Variants in CEP72 observed in about 807,000 individuals in gnomAD.
The protein encoded by CEP72 is centrosomal protein 72.
A neutral mutation model predicts 65.7 loss-of-function variants in CEP72; 78 were observed. That is an observed-to-expected ratio of 1.19 (90% CI 0.99 to 1.43). The LOEUF is 1.43. CEP72 is among the 40% of genes most tolerant of loss of function. CEP72 has a pLI of 0.00. For missense variants in CEP72, 914 were observed against 832.9 expected, an observed-to-expected ratio of 1.10 and a Z score of -1.20; for synonymous variants, 358 against 351.7, an observed-to-expected ratio of 1.02 and a Z score of -0.20.
chr5:671,702 TCC>T (rs1370857036), downstream of CEP72, among the ~76,000 whole-genome samples: 2 of 151,844 alleles, frequency 1.3e-5, no homozygotes, highest in African/African-American at 4.8e-5. Context: ...TGGCCAAGGG[TCC>T]CCCCGCAGGG....
chr5:615,168 T>G (rs1735915828), intron 1 of CEP72, among the ~76,000 whole-genome samples: 1 of 143,188 alleles, frequency 7.0e-6, no homozygotes, highest in Non-Finnish European at 1.5e-5. Context: ...AGAGTTTCCT[T>G]CTTGTCCCCC....
chr5:665,324 A>T (rs773010030), exon 3 of CEP72: 2 of 1,596,634 alleles, frequency 1.3e-6, no homozygotes, highest in Non-Finnish European at 1.7e-6. Flanking sequence ...GGAAGGGGGC[A>T]GGTGAGTTGC....
chr5:665,221 C>G lies in CEP72; in HGVS notation n.329C>G, dbSNP rs766686208. The G allele has an allele frequency of 4.3e-6, 7 of 1,613,714 alleles. No homozygotes were observed. The East Asian group carries it at 1.6e-4, about 36-fold the overall frequency. ...TTGCCCTTGCCCTTGCCAGAGGGGT[C>G]GAAGCGCTCCTTGTGGGAGCCCGTG... is the stretch of plus-strand genomic sequence containing the variant. On this transcript the variant is annotated non_coding_transcript_exon_variant, in exon 3 of 5. Transcript: ENST00000514507.
chr5:640,018 C>T (rs1177765121), intron 8 of CEP72, among the ~76,000 whole-genome samples: 2 of 152,234 alleles, frequency 1.3e-5, no homozygotes, highest in Non-Finnish European at 2.9e-5. Flanking sequence ...TTGCCATCGT[C>T]GGTGGCGGGG....
intron 1 of CEP72, among the ~76,000 whole-genome samples, chr5:614,637 A>G (rs1443177341): frequency 6.6e-6 from 1 of 152,032 alleles, no homozygotes; most frequent in African/African-American, 2.4e-5. Flanking sequence ...CTGGGATTAC[A>G]GGCATGATCC....
chr5:643,010 G>T, intron 9 of CEP72: 8 of 985,496 alleles, frequency 8.1e-6, no homozygotes, highest in Non-Finnish European at 9.6e-6. Context: ...CCCAGCTTGG[G>T]TGCAGTCGGT....
At chr5:668,276 T>G (rs57793106), downstream of CEP72, among the ~76,000 whole-genome samples, 4,762 of 22,222 alleles carry the variant, frequency 0.21, 949 homozygotes, top group African/African-American at 0.52. Context: ...CGGAGAGGGG[T>G]CCGCGTGGGC....
chr5:675,377 G>A, the CEP72 span, among the ~76,000 whole-genome samples: 9 of 107,474 alleles, frequency 8.4e-5, no homozygotes, highest in African/African-American at 3.0e-4. Flanking sequence ...GTGGCCGGGG[G>A]TGCAGCGCAG....
the CEP72 span, among the ~76,000 whole-genome samples, chr5:673,054 C>CAA: frequency 2.0e-5 from 3 of 152,190 alleles, no homozygotes; most frequent in Non-Finnish European, 2.9e-5. Flanking sequence ...CAGCAGCTTT[C>CAA]TGCAGTACCG....
chr5:638,652 G>T (rs1291217096), intron 7 of CEP72, among the ~76,000 whole-genome samples: 1 of 152,148 alleles, frequency 6.6e-6, no homozygotes, highest in Non-Finnish European at 1.5e-5. Context: ...GAGGTGGGCG[G>T]TCTGTTTCAG....
chr5:619,205 C>A, intron 2 of CEP72, 88 bp downstream of exon 2: 2 of 1,297,542 alleles, frequency 1.5e-6, no homozygotes, highest in Non-Finnish European at 1.1e-6. Context: ...TGTTTTGTAA[C>A]CCTCTGCTTA....
At chr5:669,090 T>G (rs557530443), downstream of CEP72, among the ~76,000 whole-genome samples, 1 of 152,250 alleles carries the variant, frequency 6.6e-6, no homozygotes, top group African/African-American at 2.4e-5. Context: ...GTCCCACAGC[T>G]CAGACCCTCA....
the CEP72 span, among the ~76,000 whole-genome samples, chr5:673,481 T>C: frequency 6.6e-6 from 1 of 151,838 alleles, no homozygotes; most frequent in Non-Finnish European, 1.5e-5. Context: ...GAGGTCAGAA[T>C]CCCTTGGCCT....
chr5:634,123 T>TA (rs11443608), intron 5 of CEP72, among the ~76,000 whole-genome samples, 176 bp downstream of exon 5: 38,314 of 152,118 alleles, frequency 0.25, 4,925 homozygotes, highest in East Asian at 0.43. Context: ...TACAGAGTTA[T>TA]AAATGAGAAA....
In CEP72 at chr5:637,439, C is replaced by A; in HGVS notation, c.905-78C>A. 3.8e-6 allele frequency: 5 copies of A among 1,313,098 alleles called. No individual in the cohort carries two copies. The South Asian group carries it at 5.4e-5, about 14-fold the overall frequency. 81.3% of individuals were successfully genotyped at this position (1,313,098 alleles called of 1,614,324 possible). A position where few individuals can be genotyped will look rare whatever the true frequency, so the allele number is the denominator to read the frequency against. ...GTGTATATACATGGGCACACACATG[C>A]CTTTTAAAAGTTACAGTGCTGAACA... is the stretch of plus-strand genomic sequence containing the variant. On this transcript the variant is annotated intron_variant, in intron 6 of 11. Transcript: ENST00000264935.
At chr5:621,609 G>A (rs1480147388) in intron 3 of CEP72, among the ~76,000 whole-genome samples, 1 of 152,226 alleles carries the variant, frequency 6.6e-6, no homozygotes, top group East Asian at 1.9e-4. Context: ...CCAGAGGTGG[G>A]AAAACAGGTG....
At position 637,956 on chromosome 5, in the gene CEP72, C is replaced by T. The variant is rs767135949; in HGVS notation, c.1206+138C>T. Reference sequence around the variant, plus strand: ...TGATGCAGGGCTGTTACGGCGGTGCCGTGATTACGCCTACGGCACTGACCG... The same window carrying T: ...TGATGCAGGGCTGTTACGGCGGTGCTGTGATTACGCCTACGGCACTGACCG... On this transcript the variant is annotated intron_variant, in intron 7 of 11. Transcript: ENST00000264935. The T allele has an allele frequency of 1.7e-4, 146 of 853,380 alleles. 1 individual carries two copies. The highest frequency in any genetic ancestry group is 9.2e-5 in the African/African-American group (5 of 54,328). 52.9% of individuals were successfully genotyped at this position (853,380 alleles called of 1,614,324 possible).
In CEP72 at chr5:644,293, C is replaced by A; in HGVS notation, c.1540-6C>A. 6.2e-7 allele frequency: 1 copy of A among 1,612,814 alleles called. No individual in the cohort carries two copies. Among genetic ancestry groups the A allele is most frequent in the Non-Finnish European group, 8.5e-7 (1 of 1,179,386 alleles). ...GTGCACTTAAGTGTATTTTCTGTGTCCGCAGGATGATTTGAGACAACATTT... is the reference window on the plus strand; with the variant it reads ...GTGCACTTAAGTGTATTTTCTGTGTACGCAGGATGATTTGAGACAACATTT... On this transcript the variant is annotated splice_polypyrimidine_tract_variant and splice_region_variant and intron_variant, in intron 9 of 11. Coordinates refer to ENST00000264935, the MANE Select transcript of CEP72 (RefSeq NM_018140.4).
chr5:620,857 G>T (rs113164197), intron 3 of CEP72, among the ~76,000 whole-genome samples: 10 of 152,318 alleles, frequency 6.6e-5, no homozygotes, highest in African/African-American at 2.4e-4. Flanking sequence ...TGGGGCAGCC[G>T]CAGGTCACCT....
Sources: allele counts gnomAD v4.1 joint callset (sites outside exome capture counted in the v4.1 genomes callset), GRCh38; gene constraint gnomAD v4.1.1; transcripts MANE v1.5; gene names NCBI Gene and HGNC (gene_info 2026-07-23, HGNC 2026-07-21).